The following NEK5 variants were observed in gnomAD, a reference collection of about 807,000 sequenced individuals.
NEK5 encodes the protein serine/threonine-protein kinase Nek5.
NEK5 carries 88 observed loss-of-function variants against 109.2 expected under a neutral mutation model. The ratio of observed to expected loss-of-function variants is 0.81; its 90% CI spans 0.68 to 0.96. The LOEUF (loss-of-function observed/expected upper bound fraction) is 0.96, where lower values mean the gene tolerates loss of function less well. Ranked by LOEUF, NEK5 falls within the 40% of genes least tolerant of loss-of-function variation. The pLI, the probability that NEK5 is intolerant of heterozygous loss-of-function variation, is 0.00. For missense variants in NEK5, 834 were observed against 920.7 expected (o/e 0.91, Z 1.22); for synonymous variants, 283 against 299.9 (o/e 0.94, Z 0.58).
At chr13:52,117,868 G>A (rs761917194) in intron 4 of NEK5, among the ~76,000 whole-genome samples, 11 of 152,202 alleles carry the variant, frequency 7.2e-5, no homozygotes, top group Non-Finnish European at 1.6e-4. Flanking sequence ...GTTAGCCAGA[G>A]AGTCACAATA....
At position 52,090,156 on chromosome 13, in the gene NEK5, C is replaced by A. The variant is rs188879911; in HGVS notation, c.1209-843G>T. Among the ~76,000 whole-genome samples the A allele has an allele frequency of 7.9e-5, 12 of 152,252 alleles. No individual in the cohort carries two copies. The East Asian group carries it at 2.3e-3, about 29-fold the overall frequency. Reference sequence around the variant, plus strand: ...AAATGTTTAAGGTATTTTTCCAGCACAATTTTAGTCAATTCCAGTCAAACA... The same window carrying A: ...AAATGTTTAAGGTATTTTTCCAGCAAAATTTTAGTCAATTCCAGTCAAACA... On this transcript the variant is annotated intron_variant, in intron 13 of 23. Coordinates refer to ENST00000684899, the MANE Select transcript of NEK5 (RefSeq NM_001365552.1).
intron 13 of NEK5, 64 bp from the exon 14 acceptor site, chr13:52,089,377 G>A (rs544806281): frequency 8.7e-6 from 9 of 1,034,966 alleles, no homozygotes; most frequent in African/African-American, 6.4e-5. Context: ...CCAATTTGAC[G>A]AGTAATTTTC....
In NEK5 at chr13:52,037,174, T is replaced by C; in HGVS notation, c.2273A>G (p.Glu758Gly). 1 of 984,918 alleles carries C rather than the reference T, an allele frequency of 1.0e-6. No individual in the cohort carries two copies. Among genetic ancestry groups the C allele is most frequent in the Non-Finnish European group, 1.2e-6 (1 of 829,446 alleles). The allele number at this position is 984,918 out of a possible 1,614,324, so 61.0% of individuals were successfully genotyped here. The change falls in exon 24 of 24, where the codon GAA becomes GGA. Residue 758 changes from glutamate (E) to glycine (G), a missense_variant. Physicochemically the swap from Glu to Gly is moderately conservative, Grantham distance 98 (BLOSUM62 -2). This residue lies in a region of NEK5 where 57 missense variants were observed against 96.0 expected (regional missense o/e 0.59). Transcript: ENST00000684899. ...GAAAGTAGCGAGTTTTTCTAAGTAT[T>C]CTACTACTTCATCTCTCAACTCATC... Reference protein sequence around the residue: ...SEDELRDEVVEYLEKLATFKG... With the variant: ...SEDELRDEVVGYLEKLATFKG...
At chr13:52,048,443 C>A (rs1460979634) in intron 23 of NEK5, among the ~76,000 whole-genome samples, 1 of 151,640 alleles carries the variant, frequency 6.6e-6, no homozygotes, top group African/African-American at 2.4e-5. Flanking sequence ...CAAAAAAATC[C>A]CATTTAAAAT....
In NEK5 at chr13:52,040,822, T is replaced by C. The variant is rs1167875235; in HGVS notation, c.2229-3604A>G. Among the ~76,000 whole-genome samples the C allele has an allele frequency of 2.0e-5, 3 of 152,320 alleles. No individual in the cohort carries two copies. In the East Asian group the frequency reaches 5.8e-4, roughly 29 times the overall value. On this transcript the variant is annotated intron_variant, in intron 23 of 23. Transcript: ENST00000684899. Reference sequence around the variant, plus strand: ...CCCTTAATGTTAATTTTAGTGTTAATTTCTCAACATAGATGTTTCCAGCCC... The same window carrying C: ...CCCTTAATGTTAATTTTAGTGTTAACTTCTCAACATAGATGTTTCCAGCCC...
At chr13:52,075,853 AGTTTAGC>A in intron 18 of NEK5, 27 bp from the exon 19 acceptor site, 1 of 1,339,508 alleles carries the variant, frequency 7.5e-7, no homozygotes. Flanking sequence ...AAAAAAAAAA[AGTTTAGC>A]AATTCAGTAA....
At chr13:52,117,383 G>A (rs994741314) in intron 4 of NEK5, among the ~76,000 whole-genome samples, 8 of 152,180 alleles carry the variant, frequency 5.3e-5, no homozygotes, top group Non-Finnish European at 1.0e-4. Context: ...CCAGCAATCA[G>A]CCAAGCAAAC....
intron 18 of NEK5, 64 bp from the exon 19 acceptor site, chr13:52,075,890 C>T: frequency 9.0e-7 from 1 of 1,114,192 alleles, no homozygotes; most frequent in Non-Finnish European, 1.3e-6. Flanking sequence ...AATTACAACT[C>T]CCTAGGTCAA....
In NEK5 at chr13:52,108,808, A is replaced by G. The variant is rs763375342; in HGVS notation, c.468-404T>C. ...AAACAACTATTGTTAAAATTCTGAT[A>G]TATTTCCTTCCTGTCTTCTTTCCAC... is the stretch of plus-strand genomic sequence containing the variant. On this transcript the variant is annotated intron_variant, in intron 7 of 23. Coordinates refer to ENST00000684899, the MANE Select transcript of NEK5 (RefSeq NM_001365552.1). 5.3e-5 allele frequency among the ~76,000 whole-genome samples: 8 copies of G among 152,190 alleles called. No homozygotes were observed. The East Asian group carries it at 1.2e-3, about 22-fold the overall frequency.
chr13:52,103,003 CTCTTG>C (rs1955572968), intron 9 of NEK5, among the ~76,000 whole-genome samples: 1 of 152,086 alleles, frequency 6.6e-6, no homozygotes, highest in Non-Finnish European at 1.5e-5. Context: ...GAAATTTTAT[CTCTTG>C]CTTTTTAAAA....
intron 19 of NEK5, among the ~76,000 whole-genome samples, chr13:52,075,424 T>C (rs991260059): frequency 1.3e-5 from 2 of 152,116 alleles, no homozygotes; most frequent in African/African-American, 2.4e-5. Context: ...CACTTATAAG[T>C]GGGAGCTAAA....
Position 52,065,556 on chromosome 13 carries a change from C to T in NEK5, c.1903G>A (p.Gly635Arg), listed in dbSNP as rs756376354. 6 of 1,614,096 alleles carry T rather than the reference C, an allele frequency of 3.7e-6. No homozygotes were observed. In the South Asian group the frequency reaches 5.5e-5, roughly 15 times the overall value. ...AVGNRRQWDG[G>R]APQTLLQMMA... ...ATCTGCAGCAGAGTCTGAGGCGCTC[C>T]TCCATCCCACTGCCTCCTGTTTCCC... Residue 635 changes from glycine to arginine, a missense_variant, in exon 21 of 24, where the codon GGA (glycine) becomes AGA (arginine). Coordinates refer to ENST00000684899, the MANE Select transcript of NEK5 (RefSeq NM_001365552.1).
rs769434748 is a variant in NEK5 at position 52,104,559 on chromosome 13, A to G, written c.555-7T>C. ...GCCAAGAGACCAAATATCCCTAAAGAAGATAAGAGTTTACATGCCAAGAAA... is the reference window on the plus strand; with the variant it reads ...GCCAAGAGACCAAATATCCCTAAAGGAGATAAGAGTTTACATGCCAAGAAA... On this transcript the variant is annotated splice_region_variant and splice_polypyrimidine_tract_variant and intron_variant, in intron 8 of 23. Transcript: ENST00000684899. The G allele has an allele frequency of 1.9e-5, 30 of 1,591,324 alleles. No individual in the cohort carries two copies. The highest frequency in any genetic ancestry group is 2.6e-6 in the Non-Finnish European group (3 of 1,159,658).
intron 17 of NEK5, among the ~76,000 whole-genome samples, chr13:52,077,186 C>T (rs569135719): frequency 6.6e-6 from 1 of 152,206 alleles, no homozygotes; most frequent in East Asian, 1.9e-4. Flanking sequence ...ACTTCTCTAA[C>T]TCAATGTCCA....
At chr13:52,084,772 T>A (rs1163679828) in intron 16 of NEK5, among the ~76,000 whole-genome samples, 142 of 59,882 alleles carry the variant, frequency 2.4e-3, no homozygotes, top group African/African-American at 5.3e-3. Context: ...AGTGTGTGTG[T>A]GTGTGTGTGT....
chr13:52,084,302 T>C (rs1263717405), intron 16 of NEK5, among the ~76,000 whole-genome samples: 1 of 151,730 alleles, frequency 6.6e-6, no homozygotes, highest in Non-Finnish European at 1.5e-5. Context: ...AAAATCACAG[T>C]TCACAGCAGC....
intron 8 of NEK5, 54 bp from the exon 9 acceptor site, chr13:52,104,606 A>C (rs1955614666): frequency 7.9e-7 from 1 of 1,262,376 alleles, no homozygotes; most frequent in Non-Finnish European, 1.2e-6. Flanking sequence ...TCTTAATAAA[A>C]GCTTTTATCC....
At chr13:52,111,230 T>C (rs1019294103) in intron 5 of NEK5, among the ~76,000 whole-genome samples, 3 of 152,190 alleles carry the variant, frequency 2.0e-5, no homozygotes, top group African/African-American at 7.2e-5. Flanking sequence ...TGGTTCTTTG[T>C]CTGCCAAATT....
intron 9 of NEK5, among the ~76,000 whole-genome samples, chr13:52,103,200 G>A (rs955062728): frequency 6.6e-6 from 1 of 152,140 alleles, no homozygotes; most frequent in African/African-American, 2.4e-5. Context: ...AGGCCAAGGT[G>A]GGCAGATCAC....
Sources: allele counts gnomAD v4.1 joint callset (sites outside exome capture counted in the v4.1 genomes callset), GRCh38; gene constraint gnomAD v4.1.1; regional missense constraint gnomAD v4.1.1; transcripts MANE v1.5; gene names NCBI Gene and HGNC (gene_info 2026-07-23, HGNC 2026-07-21).